AXL: variants seen among roughly 807,000 people sequenced by gnomAD.
AXL encodes AXL receptor tyrosine kinase.
In AXL, 52 loss-of-function variants were observed where a neutral mutation model predicts 104.5. The ratio of observed to expected loss-of-function variants is 0.50; its 90% CI spans 0.40 to 0.63. The LOEUF (loss-of-function observed/expected upper bound fraction) is 0.63, where lower values mean the gene tolerates loss of function less well. Among genes scored for constraint, AXL ranks in the 20% least tolerant of loss-of-function variants. AXL has a pLI of 0.00. For synonymous variants in AXL, 455 were observed against 473.7 expected, an observed-to-expected ratio of 0.96 and a Z score of 0.51; for missense variants, 1,024 against 1,188.5, an observed-to-expected ratio of 0.86 and a Z score of 2.04.
At chr19:41,238,738 G>A in intron 8 of AXL, 129 bp downstream of exon 8, 1 of 1,331,260 alleles carries the variant, frequency 7.5e-7, no homozygotes, top group Non-Finnish European at 1.0e-6. Context: ...GGCACATTCA[G>A]GGAAGGTTCA....
At position 41,238,458 on chromosome 19, in the gene AXL, C is replaced by G. The variant is rs764194136; in HGVS notation, c.995-12C>G. The stretch of plus-strand genomic sequence containing the variant: ...GTGGGGGTGCCAGCTTCCCCTCTTC[C>G]CTGTCCTCCAGTGCCCCTGGGCCCC... On this transcript the variant is annotated splice_polypyrimidine_tract_variant and intron_variant, in intron 7 of 19. Transcript: ENST00000301178. 1 of 1,605,562 alleles carries G rather than the reference C, an allele frequency of 6.2e-7. No homozygotes were observed. The highest frequency in any genetic ancestry group is 8.5e-7 in the Non-Finnish European group (1 of 1,173,512).
At chr19:41,221,445 TG>T in intron 3 of AXL, 199 bp downstream of exon 3, 1 of 557,896 alleles carries the variant, frequency 1.8e-6, no homozygotes, top group Non-Finnish European at 3.1e-6. Context: ...GTGCCAAGGC[TG>T]GGGGATTATA....
chr19:41,259,186 G>A (rs942159831), intron 19 of AXL, among the ~76,000 whole-genome samples: 5 of 152,178 alleles, frequency 3.3e-5, no homozygotes, highest in Admixed American at 1.3e-4. Context: ...TCTTTTGCAG[G>A]GAGGAGGGTC....
chr19:41,247,014 C>A (rs1329337379), intron 12 of AXL, among the ~76,000 whole-genome samples: 1 of 151,970 alleles, frequency 6.6e-6, no homozygotes, highest in Non-Finnish European at 1.5e-5. Flanking sequence ...TTACACTCAA[C>A]AACTAAATTA....
In AXL at chr19:41,256,623, C is replaced by A. The variant is rs761320414; in HGVS notation, c.2196+12C>A. 3 of 1,610,398 alleles carry A rather than the reference C, an allele frequency of 1.9e-6. No individual in the cohort carries two copies. In the South Asian group the frequency reaches 3.3e-5, roughly 18 times the overall value. ...GCAAGAGCGATGTGGTAGGTGCACTCCCGCCAAGAGTGGGGAACCATGGGA... is the reference window on the plus strand; with the variant it reads ...GCAAGAGCGATGTGGTAGGTGCACTACCGCCAAGAGTGGGGAACCATGGGA... On this transcript the variant is annotated intron_variant, in intron 18 of 19. Transcript: ENST00000301178.
chr19:41,233,139 A>G (rs948144158), intron 6 of AXL, among the ~76,000 whole-genome samples: 2 of 151,686 alleles, frequency 1.3e-5, no homozygotes, highest in South Asian at 2.1e-4. Context: ...ACAGGCGCCC[A>G]CCACCACGCC....
intron 6 of AXL, 129 bp from the exon 7 acceptor site, chr19:41,237,815 A>G (rs1156383702): frequency 1.2e-6 from 1 of 822,518 alleles, no homozygotes; most frequent in Non-Finnish European, 2.0e-6. Flanking sequence ...TTATCCTAGC[A>G]TGGCACTGCA....
rs371744679 is a variant in AXL at position 41,259,518 on chromosome 19, T to C, written c.2334-35T>C. 7 of 1,547,394 alleles carry C rather than the reference T, an allele frequency of 4.5e-6. No homozygotes were observed. The African/African-American group carries it at 9.5e-5, about 21-fold the overall frequency. ...CCAGAATGCACCCCTTCTGAGTCCCTGCTCAATCTCCCACCCCTCATTTTG... is the reference window on the plus strand; with the variant it reads ...CCAGAATGCACCCCTTCTGAGTCCCCGCTCAATCTCCCACCCCTCATTTTG... On this transcript the variant is annotated intron_variant, in intron 19 of 19. Transcript: ENST00000301178.
At chr19:41,243,117 A>G in intron 11 of AXL, 102 bp downstream of exon 11, 1 of 1,540,892 alleles carries the variant, frequency 6.5e-7, no homozygotes, top group Non-Finnish European at 8.8e-7. Flanking sequence ...ATGACTAAGA[A>G]TCAGAATGAG....
Position 41,219,289 on chromosome 19 carries a change from G to A in AXL, c.-104G>A, listed in dbSNP as rs2033740159. ...CCTGCCGCTGTGCCAGGCAGGCAGTGCCAAATCCGGGGAGCCTGGAGCTGG... is the reference window on the plus strand; with the variant it reads ...CCTGCCGCTGTGCCAGGCAGGCAGTACCAAATCCGGGGAGCCTGGAGCTGG... On this transcript the variant is annotated 5_prime_UTR_variant, in exon 1 of 20. Coordinates refer to ENST00000301178, the MANE Select transcript of AXL (RefSeq NM_021913.5). 4.2e-6 allele frequency: 5 copies of A among 1,178,468 alleles called. No homozygotes were observed. The East Asian group carries it at 7.7e-5, about 18-fold the overall frequency. The allele number at this position is 1,178,468 out of a possible 1,614,324, so 73.0% of individuals were successfully genotyped here.
chr19:41,252,855 T>C lies in AXL; in HGVS notation c.1814T>C (p.Phe605Ser). 6.2e-7 allele frequency: 1 copy of C among 1,613,996 alleles called. No homozygotes were observed. Among genetic ancestry groups the C allele is most frequent in the South Asian group, 1.1e-5 (1 of 91,066 alleles). ...TACCTGGGGGGCTCAGGTGTCTGTTTCCAGGGTTCTGAACGAGAGAGCTTC... is the reference window on the plus strand; with the variant it reads ...TACCTGGGGGGCTCAGGTGTCTGTTCCCAGGGTTCTGAACGAGAGAGCTTC... ...PNVMRLIGVCFQGSERESFPA... is the reference protein window; with the variant it reads ...PNVMRLIGVCSQGSERESFPA... Residue 605 changes from phenylalanine to serine, a missense_variant, in exon 16 of 20, where the codon TTC becomes TCC. Physicochemically the swap from Phe to Ser is radical, Grantham distance 155. Transcript: ENST00000301178.
At position 41,219,419 on chromosome 19, in the gene AXL, C is replaced by T; in HGVS notation, c.27C>T (p.Gly9=). Reference sequence around the variant, plus strand: ...TGGCGTGGCGGTGCCCCAGGATGGGCAGGGTCCCGCTGGCCTGGTGCTTGG... The same window carrying T: ...TGGCGTGGCGGTGCCCCAGGATGGGTAGGGTCCCGCTGGCCTGGTGCTTGG... MAWRCPRM[G]RVPLAWCLAL... Residue 9 remains glycine (G), a synonymous_variant, in exon 1 of 20, where the codon GGC becomes GGT. Transcript: ENST00000301178. 6.2e-7 allele frequency: 1 copy of T among 1,605,130 alleles called. No homozygotes were observed. The highest frequency in any genetic ancestry group is 8.5e-7 in the Non-Finnish European group (1 of 1,176,170).
At chr19:41,246,586 A>T (rs559774170) in intron 12 of AXL, among the ~76,000 whole-genome samples, 2 of 151,972 alleles carry the variant, frequency 1.3e-5, no homozygotes, top group East Asian at 3.9e-4. Context: ...GTGGTGGTGT[A>T]CACCTATAAT....
intron 4 of AXL, among the ~76,000 whole-genome samples, chr19:41,225,190 C>T (rs2033857913): frequency 6.6e-6 from 1 of 152,154 alleles, no homozygotes; most frequent in Non-Finnish European, 1.5e-5. Flanking sequence ...GACAGGGTTT[C>T]ATGACAGGTT....
intron 15 of AXL, 107 bp downstream of exon 15, chr19:41,252,550 T>G: frequency 7.7e-7 from 1 of 1,296,986 alleles, no homozygotes; most frequent in Non-Finnish European, 1.1e-6. Flanking sequence ...GGCTTCCTGC[T>G]CCCCGCTCCT....
At chr19:41,233,365 T>C (rs915732922) in intron 6 of AXL, among the ~76,000 whole-genome samples, 1 of 150,904 alleles carries the variant, frequency 6.6e-6, no homozygotes, top group Non-Finnish European at 1.5e-5. Context: ...CACAACCCCA[T>C]CTGCTTGTCG....
chr19:41,253,837 A>G, intron 17 of AXL, 129 bp downstream of exon 17: 1 of 732,202 alleles, frequency 1.4e-6, no homozygotes, highest in East Asian at 2.7e-5. Context: ...CAGGACCAGG[A>G]AAGTCAGTAA....
intron 1 of AXL, 103 bp from the exon 2 acceptor site, chr19:41,220,533 T>C (rs1599723154): frequency 2.0e-6 from 2 of 994,292 alleles, no homozygotes; most frequent in Non-Finnish European, 3.0e-6. Flanking sequence ...CCTAAGGGCC[T>C]GGCGGGGTCC....
At position 41,252,907 on chromosome 19, in the gene AXL, C is replaced by T; in HGVS notation, c.1866C>T (p.Phe622=). 1 of 1,613,734 alleles carries T rather than the reference C, an allele frequency of 6.2e-7. No individual in the cohort carries two copies. Among genetic ancestry groups the T allele is most frequent in the Non-Finnish European group, 8.5e-7 (1 of 1,179,892 alleles). ...SFPAPVVILP[F]MKHGDLHSFL... ...CAGCACCTGTGGTCATCTTACCTTT[C>T]ATGAAACATGGAGACCTACACAGCT... The change falls in exon 16 of 20, where the codon TTC becomes TTT. Residue 622 remains phenylalanine (F), a synonymous_variant. Coordinates refer to ENST00000301178, the MANE Select transcript of AXL (RefSeq NM_021913.5).
Sources: allele counts gnomAD v4.1 joint callset (sites outside exome capture counted in the v4.1 genomes callset), GRCh38; gene constraint gnomAD v4.1.1; transcripts MANE v1.5; gene names NCBI Gene and HGNC (gene_info 2026-07-23, HGNC 2026-07-21).